The following SIPA1L2 variants were observed in gnomAD, a reference collection of about 807,000 sequenced individuals.
SIPA1L2 encodes signal induced proliferation associated 1 like 2.
Under a neutral mutation model 163.9 loss-of-function variants are expected in SIPA1L2, and 56 were observed. That is an observed-to-expected ratio of 0.34 (90% CI 0.28 to 0.43). SIPA1L2 has a LOEUF of 0.43. Ranked by LOEUF, SIPA1L2 falls within the 20% of genes least tolerant of loss-of-function variation. The probability of loss-of-function intolerance (pLI) is 1.00; values close to 1 mark genes in which losing one functional copy is unlikely to be tolerated. For synonymous variants in SIPA1L2, 877 were observed against 865.7 expected, an observed-to-expected ratio of 1.01 and a Z score of -0.23; for missense variants, 1,974 against 2,193.5, an observed-to-expected ratio of 0.90 and a Z score of 2.00.
chr1:232,484,581 T>G (rs1665551270), intron 5 of SIPA1L2, among the ~76,000 whole-genome samples: 1 of 152,222 alleles, frequency 6.6e-6, no homozygotes, highest in African/African-American at 2.4e-5. Flanking sequence ...GTTACATTTT[T>G]TACTATCTTG....
chr1:232,571,899 C>T (rs906129094), intron 2 of SIPA1L2, among the ~76,000 whole-genome samples: 5 of 152,130 alleles, frequency 3.3e-5, no homozygotes, highest in South Asian at 2.1e-4. Flanking sequence ...CCTGCAGAAC[C>T]GTGAATTAAA....
chr1:232,421,366 C>A (rs1661567510), intron 18 of SIPA1L2, among the ~76,000 whole-genome samples: 1 of 152,166 alleles, frequency 6.6e-6, no homozygotes, highest in Non-Finnish European at 1.5e-5. Context: ...TTACCCAAAA[C>A]CTGAAATCAC....
intron 22 of SIPA1L2, among the ~76,000 whole-genome samples, chr1:232,401,745 C>T (rs1422538547): frequency 6.6e-6 from 1 of 152,202 alleles, no homozygotes; most frequent in African/African-American, 2.4e-5. Flanking sequence ...TCAGCATTCT[C>T]ACCAGCTACA....
At chr1:232,486,496 C>A (rs1006858782) in intron 5 of SIPA1L2, among the ~76,000 whole-genome samples, 1 of 152,166 alleles carries the variant, frequency 6.6e-6, no homozygotes, top group African/African-American at 2.4e-5. Flanking sequence ...GATTTCAAGG[C>A]CCTCAGATGT....
intron 5 of SIPA1L2, among the ~76,000 whole-genome samples, chr1:232,486,062 C>G (rs111533692): frequency 0.011 from 1,603 of 152,292 alleles, 32 homozygotes; most frequent in African/African-American, 0.037. Flanking sequence ...GTCTCCATTG[C>G]CCCAGCACGC....
At chr1:232,473,882 T>C (rs529474045) in intron 7 of SIPA1L2, among the ~76,000 whole-genome samples, 1 of 152,324 alleles carries the variant, frequency 6.6e-6, no homozygotes, top group Non-Finnish European at 1.5e-5. Flanking sequence ...ATTAATAGAA[T>C]GCTTGAATTT....
chr1:232,541,396 C>T (rs1657670062), intron 2 of SIPA1L2, among the ~76,000 whole-genome samples: 1 of 152,076 alleles, frequency 6.6e-6, no homozygotes, highest in African/African-American at 2.4e-5. Flanking sequence ...TAACAAAACA[C>T]CATTTGAAAA....
rs1330939343 is a variant in SIPA1L2 at position 232,469,971 on chromosome 1, AT to A, written c.2243+1399del. ...GATATAAGCATAAAGATAGCAAGTA[AT>A]TTAAAGTACTCCATTTGACCTAAAA... On this transcript the variant is annotated intron_variant, in intron 8 of 22. Transcript: ENST00000674635. Among the ~76,000 whole-genome samples, 3 of 152,028 alleles carry A rather than the reference AT, an allele frequency of 2.0e-5. No individual in the cohort carries two copies. The East Asian group carries it at 5.8e-4, about 30-fold the overall frequency.
intron 1 of SIPA1L2, among the ~76,000 whole-genome samples, chr1:232,611,276 T>C (rs1662222525): frequency 6.6e-6 from 1 of 152,096 alleles, no homozygotes; most frequent in African/African-American, 2.4e-5. Context: ...AGCGTGAAAA[T>C]GGATTAATAC....
chr1:232,575,278 G>C (rs1304989225), intron 1 of SIPA1L2, among the ~76,000 whole-genome samples: 1 of 152,100 alleles, frequency 6.6e-6, no homozygotes, highest in Non-Finnish European at 1.5e-5. Flanking sequence ...CCAAGAAGGA[G>C]GGCACCCCAG....
At chr1:232,619,215 T>C (rs561074338) in intron 1 of SIPA1L2, among the ~76,000 whole-genome samples, 21 of 152,306 alleles carry the variant, frequency 1.4e-4, no homozygotes, top group African/African-American at 4.1e-4. Flanking sequence ...AAAACTCAAA[T>C]CCTAACCATT....
At chr1:232,590,419 G>A (rs780466886) in intron 1 of SIPA1L2, among the ~76,000 whole-genome samples, 1 of 152,180 alleles carries the variant, frequency 6.6e-6, no homozygotes, top group African/African-American at 2.4e-5. Context: ...TAAAGTTGAA[G>A]GAGAAATAAG....
intron 1 of SIPA1L2, among the ~76,000 whole-genome samples, chr1:232,580,599 A>G (rs1660323339): frequency 6.6e-6 from 1 of 152,216 alleles, no homozygotes; most frequent in Non-Finnish European, 1.5e-5. Context: ...AGTCCTGGCT[A>G]GCAAAGGTTG....
chr1:232,592,193 T>C (rs1661004670), intron 1 of SIPA1L2, among the ~76,000 whole-genome samples: 1 of 152,230 alleles, frequency 6.6e-6, no homozygotes, highest in South Asian at 2.1e-4. Context: ...AGAGGCTGTC[T>C]GAAAGCAAGA....
intron 2 of SIPA1L2, among the ~76,000 whole-genome samples, chr1:232,539,246 T>C (rs1657495950): frequency 6.6e-6 from 1 of 152,220 alleles, no homozygotes; most frequent in Admixed American, 6.5e-5. Context: ...CTAGGGCTTC[T>C]TGGTAACTAG....
At chr1:232,530,100 G>A (rs2103081341) in intron 2 of SIPA1L2, among the ~76,000 whole-genome samples, 1 of 151,556 alleles carries the variant, frequency 6.6e-6, no homozygotes, top group African/African-American at 2.4e-5. Context: ...ATCTCTAGGG[G>A]CAGGAAGCCT....
At chr1:232,464,367 G>A (rs143805616) in intron 9 of SIPA1L2, among the ~76,000 whole-genome samples, 1 of 152,242 alleles carries the variant, frequency 6.6e-6, no homozygotes, top group Admixed American at 6.5e-5. Flanking sequence ...TTAAGAAACT[G>A]TGGCTCTAAG....
chr1:232,493,154 T>C (rs1427007502), intron 4 of SIPA1L2, among the ~76,000 whole-genome samples: 1 of 152,160 alleles, frequency 6.6e-6, no homozygotes, highest in Admixed American at 6.5e-5. Context: ...TGGTCCACCA[T>C]GATAAGATGT....
chr1:232,568,837 C>A (rs940076603), intron 2 of SIPA1L2, among the ~76,000 whole-genome samples: 1 of 152,338 alleles, frequency 6.6e-6, no homozygotes, highest in East Asian at 1.9e-4. Flanking sequence ...ACATGCCAGG[C>A]GCCCTGGAGG....
Sources: allele counts gnomAD v4.1 joint callset (sites outside exome capture counted in the v4.1 genomes callset), GRCh38; gene constraint gnomAD v4.1.1; transcripts MANE v1.5; gene names NCBI Gene and HGNC (gene_info 2026-07-23, HGNC 2026-07-21).